The following WWOX variants were observed in gnomAD, a reference collection of about 807,000 sequenced individuals.
WWOX encodes WW domain-containing oxidoreductase.
WWOX carries 69 observed loss-of-function variants against 46.2 expected under a neutral mutation model. The ratio of observed to expected loss-of-function variants is 1.49; its 90% CI spans 1.23 to 1.82. The LOEUF (loss-of-function observed/expected upper bound fraction) is 1.82, where lower values mean the gene tolerates loss of function less well. WWOX is among the 40% of genes most tolerant of loss of function. The pLI is 0.00. For missense variants in WWOX, 919 were observed against 542.6 expected (o/e 1.69, Z -6.89); for synonymous variants, 359 against 202.6 (o/e 1.77, Z -6.56).
At chr16:78,961,886 T>A (rs1032123353) in intron 8 of WWOX, among the ~76,000 whole-genome samples, 2 of 152,206 alleles carry the variant, frequency 1.3e-5, no homozygotes, top group Non-Finnish European at 2.9e-5. Flanking sequence ...GGTTCCACAT[T>A]GACTGCATCC....
chr16:78,385,164 A>AGC (rs2082036881), intron 5 of WWOX, among the ~76,000 whole-genome samples: 1 of 38,868 alleles, frequency 2.6e-5, no homozygotes, highest in African/African-American at 1.5e-4. Context: ...CACACACAAA[A>AGC]GCACAGGGCT....
intron 8 of WWOX, among the ~76,000 whole-genome samples, chr16:78,741,392 C>G (rs746804001): frequency 6.6e-6 from 1 of 152,010 alleles, no homozygotes; most frequent in African/African-American, 2.4e-5. Context: ...GAGATCCCAT[C>G]TCTACTAATA....
chr16:79,147,394 C>T (rs867081254), intron 8 of WWOX, among the ~76,000 whole-genome samples: 1 of 152,144 alleles, frequency 6.6e-6, no homozygotes, highest in Non-Finnish European at 1.5e-5. Context: ...GGTACAATTC[C>T]GTGGAGATTC....
At chr16:78,787,182 T>G (rs1474599702) in intron 8 of WWOX, among the ~76,000 whole-genome samples, 3 of 152,040 alleles carry the variant, frequency 2.0e-5, no homozygotes, top group Non-Finnish European at 4.4e-5. Context: ...ACAAAAAAAG[T>G]TCACCACTTT....
chr16:78,612,316 A>G (rs2045920366), intron 8 of WWOX, among the ~76,000 whole-genome samples: 1 of 152,248 alleles, frequency 6.6e-6, no homozygotes, highest in South Asian at 2.1e-4. Flanking sequence ...TAAAACTTGA[A>G]GGTAGACAAG....
intron 8 of WWOX, among the ~76,000 whole-genome samples, chr16:79,170,023 T>G (rs1567595560): frequency 6.6e-6 from 1 of 152,056 alleles, no homozygotes; most frequent in Non-Finnish European, 1.5e-5. Context: ...TCATTACCCC[T>G]CCTAAAAGGA....
chr16:78,160,646 G>C (rs1020558162), intron 4 of WWOX, among the ~76,000 whole-genome samples: 3 of 152,028 alleles, frequency 2.0e-5, no homozygotes, highest in African/African-American at 7.2e-5. Context: ...ATTCCATTGC[G>C]GTCAAAGAGC....
At chr16:78,563,753 C>A (rs1172032694) in intron 8 of WWOX, among the ~76,000 whole-genome samples, 1 of 152,028 alleles carries the variant, frequency 6.6e-6, no homozygotes, top group African/African-American at 2.4e-5. Flanking sequence ...TCCACAGATA[C>A]CAATAATTAA....
intron 6 of WWOX, among the ~76,000 whole-genome samples, chr16:78,415,944 G>T (rs547847384): frequency 6.6e-6 from 1 of 152,192 alleles, no homozygotes; most frequent in African/African-American, 2.4e-5. Flanking sequence ...CACAGAGAAT[G>T]CCATGGGGCC....
chr16:79,093,735 A>G (rs567397296), intron 8 of WWOX, among the ~76,000 whole-genome samples: 1 of 152,224 alleles, frequency 6.6e-6, no homozygotes, highest in East Asian at 1.9e-4. Flanking sequence ...GGATAATCAG[A>G]TATTAGTTAA....
At chr16:78,166,174 T>C (rs1271521179) in intron 5 of WWOX, among the ~76,000 whole-genome samples, 2 of 152,200 alleles carry the variant, frequency 1.3e-5, no homozygotes, top group Admixed American at 1.3e-4. Context: ...ACTTTTTTTT[T>C]TTTTAAACTT....
At chr16:78,662,303 C>CT (rs2047233095) in intron 8 of WWOX, among the ~76,000 whole-genome samples, 1 of 152,198 alleles carries the variant, frequency 6.6e-6, no homozygotes, top group Non-Finnish European at 1.5e-5. Flanking sequence ...CCAGGATTCA[C>CT]TGAGAGTGTT....
At chr16:78,581,521 T>C (rs1270647277) in intron 8 of WWOX, among the ~76,000 whole-genome samples, 1 of 152,234 alleles carries the variant, frequency 6.6e-6, no homozygotes, top group Non-Finnish European at 1.5e-5. Flanking sequence ...CGTGCTAGTC[T>C]TGTCGTCTTA....
chr16:78,365,163 G>T (rs2081505732), intron 5 of WWOX, among the ~76,000 whole-genome samples: 1 of 152,152 alleles, frequency 6.6e-6, no homozygotes, highest in Non-Finnish European at 1.5e-5. Context: ...GAGGTTGAGG[G>T]AAGAAATAAA....
intron 5 of WWOX, among the ~76,000 whole-genome samples, chr16:78,370,180 G>C (rs917767501): frequency 1.3e-5 from 2 of 150,130 alleles, no homozygotes; most frequent in East Asian, 3.9e-4. Context: ...AGACAATCTG[G>C]GTGCATATCT....
At position 79,047,772 on chromosome 16, in the gene WWOX, G is replaced by C. The variant is rs1392558660; in HGVS notation, c.1057-163836G>C. Among the ~76,000 whole-genome samples, 3 of 146,636 alleles carry C rather than the reference G, an allele frequency of 2.0e-5. No individual in the cohort carries two copies. The East Asian group carries it at 6.0e-4, about 29-fold the overall frequency. On this transcript the variant is annotated intron_variant, in intron 8 of 8. Transcript: ENST00000566780. ...AGGGCAGCTGTATTCCAGGTACTTG[G>C]TGACTCTTGGTTGCGATCTGATGAC...
At chr16:78,386,011 G>A (rs2082052850) in intron 5 of WWOX, among the ~76,000 whole-genome samples, 1 of 152,202 alleles carries the variant, frequency 6.6e-6, no homozygotes, top group Admixed American at 6.5e-5. Flanking sequence ...CATGGCCAAT[G>A]GAACACCATT....
intron 8 of WWOX, among the ~76,000 whole-genome samples, chr16:78,577,983 A>G (rs547054709): frequency 2.0e-5 from 3 of 151,972 alleles, no homozygotes; most frequent in East Asian, 3.9e-4. Context: ...TCACAAGAAC[A>G]TTTGTCACCT....
chr16:79,050,775 C>G (rs900189653), intron 8 of WWOX, among the ~76,000 whole-genome samples: 4 of 152,176 alleles, frequency 2.6e-5, no homozygotes, highest in Non-Finnish European at 5.9e-5. Context: ...TAGGGTGGGT[C>G]GAACCTGTTG....
Sources: allele counts gnomAD v4.1 joint callset (sites outside exome capture counted in the v4.1 genomes callset), GRCh38; gene constraint gnomAD v4.1.1; transcripts MANE v1.5; gene names NCBI Gene and HGNC (gene_info 2026-07-23, HGNC 2026-07-21).